The following MYOM2 variants were observed in gnomAD, a reference collection of about 807,000 sequenced individuals.
The protein encoded by MYOM2 is myomesin 2.
Under a neutral mutation model 187.6 loss-of-function variants are expected in MYOM2, and 254 were observed. The ratio of observed to expected loss-of-function variants is 1.35; its 90% CI spans 1.22 to 1.50. The LOEUF (loss-of-function observed/expected upper bound fraction) is 1.50, where lower values mean the gene tolerates loss of function less well. MYOM2 is among the 40% of genes most tolerant of loss of function. The pLI, the probability that MYOM2 is intolerant of heterozygous loss-of-function variation, is 0.00. For missense variants in MYOM2, 2,796 were observed against 1,924.0 expected, an observed-to-expected ratio of 1.45 and a Z score of -8.48; for synonymous variants, 981 against 753.8, an observed-to-expected ratio of 1.30 and a Z score of -4.94.
At chr8:2,102,917 G>C in intron 21 of MYOM2, 136 bp downstream of exon 21, 1 of 663,886 alleles carries the variant, frequency 1.5e-6, no homozygotes. Context: ...TGTGTGGATG[G>C]GTCTGTAGAT....
Position 2,124,038 on chromosome 8 carries a change from T to C in MYOM2, c.3656-141T>C, listed in dbSNP as rs145659892. ...GGATTTATCGCACACATAAGTCTTTTATGGATAAATATTGCCATTTTAATG... is the reference window on the plus strand; with the variant it reads ...GGATTTATCGCACACATAAGTCTTTCATGGATAAATATTGCCATTTTAATG... On this transcript the variant is annotated intron_variant, in intron 30 of 36. Coordinates refer to ENST00000262113, the MANE Select transcript of MYOM2 (RefSeq NM_003970.4). 64 of 832,784 alleles carry C rather than the reference T, an allele frequency of 7.7e-5. No individual in the cohort carries two copies. In the African/African-American group the frequency reaches 8.6e-4, roughly 11 times the overall value. 51.6% of individuals were successfully genotyped at this position (832,784 alleles called of 1,614,324 possible).
chr8:2,142,259 G>A (rs921286861), intron 34 of MYOM2, 116 bp from the exon 35 acceptor site: 7 of 1,025,858 alleles, frequency 6.8e-6, no homozygotes, highest in Admixed American at 1.7e-5. Flanking sequence ...GAATGCAAAC[G>A]TATCTCCTTC....
intron 34 of MYOM2, among the ~76,000 whole-genome samples, chr8:2,141,401 A>T (rs1798269410): frequency 1.3e-5 from 2 of 152,230 alleles, no homozygotes; most frequent in Admixed American, 6.5e-5. Context: ...GGAACCCCGG[A>T]TGAATTTCGG....
chr8:2,118,173 A>G (rs2294073), intron 28 of MYOM2, among the ~76,000 whole-genome samples: 4 of 152,066 alleles, frequency 2.6e-5, no homozygotes, highest in Non-Finnish European at 1.5e-5. Context: ...ATTACAGTGT[A>G]GTGGGATGCA....
intron 31 of MYOM2, among the ~76,000 whole-genome samples, chr8:2,126,955 A>G (rs1347857010): frequency 4.4e-5 from 4 of 90,794 alleles, no homozygotes; most frequent in African/African-American, 8.9e-5. Flanking sequence ...CTGGGGGAGG[A>G]TGGGGAAGCA....
At chr8:2,078,011 A>G (rs1211151128) in intron 11 of MYOM2, among the ~76,000 whole-genome samples, 2 of 151,946 alleles carry the variant, frequency 1.3e-5, no homozygotes, top group African/African-American at 2.4e-5. Flanking sequence ...TGAAGGCACC[A>G]CTCTGGGGTT....
In MYOM2 at chr8:2,073,453, TGTCTCGGGGCGGC is replaced by T. The variant is rs1563431966; in HGVS notation, c.1077_1089del (p.Arg360AlafsTer38). The T allele has an allele frequency of 6.2e-7, 1 of 1,611,294 alleles. No homozygotes were observed. Among genetic ancestry groups the T allele is most frequent in the East Asian group, 2.2e-5 (1 of 44,848 alleles). The stretch of plus-strand genomic sequence containing the variant: ...GAGGGCCTGTACACCCTGCGCATCG[TGTCTCGGGGCGGC>T]GTCAGCGACCACAGCGCCTTCCTGT... On this transcript the variant is annotated frameshift_variant, in exon 10 of 37. Coordinates refer to ENST00000262113, the MANE Select transcript of MYOM2 (RefSeq NM_003970.4). LOFTEE classifies it high-confidence loss of function.
At chr8:2,067,926 G>C (rs1819071048) in intron 6 of MYOM2, among the ~76,000 whole-genome samples, 1 of 152,088 alleles carries the variant, frequency 6.6e-6, no homozygotes, top group Non-Finnish European at 1.5e-5. Flanking sequence ...GAGCTGGGTA[G>C]GGTTGTAGAA....
chr8:2,061,703 A>G (rs1483534506), intron 6 of MYOM2, among the ~76,000 whole-genome samples: 3 of 152,138 alleles, frequency 2.0e-5, no homozygotes, highest in Non-Finnish European at 1.5e-5. Flanking sequence ...CAGATTCACT[A>G]GAGTTGGGTG....
chr8:2,062,917 T>C (rs528894902), intron 6 of MYOM2, among the ~76,000 whole-genome samples: 3 of 152,208 alleles, frequency 2.0e-5, no homozygotes, highest in Non-Finnish European at 2.9e-5. Flanking sequence ...AAACTTTACA[T>C]TGGGCACCAC....
At position 2,106,086 on chromosome 8, in the gene MYOM2, G is replaced by A. The variant is rs377196709; in HGVS notation, c.2735-156G>A. ...GGACAGCATGGGGGAAACCACCCCC[G>A]TGATCCAATCACCTCACTCCCTCTA... On this transcript the variant is annotated intron_variant, in intron 21 of 36. Coordinates refer to ENST00000262113, the MANE Select transcript of MYOM2 (RefSeq NM_003970.4). Among the ~76,000 whole-genome samples the A allele has an allele frequency of 5.3e-5, 8 of 152,140 alleles. No homozygotes were observed. In the South Asian group the frequency reaches 8.3e-4, roughly 16 times the overall value.
At position 2,145,106 on chromosome 8, in the gene MYOM2, T is replaced by C. The variant is rs1798417154; in HGVS notation, c.*125T>C. ...GTGTGGGCTGATAGTTGATCACACATTGTGCTTTTGATTTTTGCATTTGGT... is the reference window on the plus strand; with the variant it reads ...GTGTGGGCTGATAGTTGATCACACACTGTGCTTTTGATTTTTGCATTTGGT... On this transcript the variant is annotated 3_prime_UTR_variant, in exon 37 of 37. Coordinates refer to ENST00000262113, the MANE Select transcript of MYOM2 (RefSeq NM_003970.4). 1 of 1,039,046 alleles carries C rather than the reference T, an allele frequency of 9.6e-7. No individual in the cohort carries two copies. The highest frequency in any genetic ancestry group is 2.8e-5 in the Admixed American group (1 of 35,596). 64.4% of individuals were successfully genotyped at this position (1,039,046 alleles called of 1,614,324 possible). A position where few individuals can be genotyped will look rare whatever the true frequency, so the allele number is the denominator to read the frequency against.
chr8:2,092,948 C>T (rs1367107973), intron 16 of MYOM2, among the ~76,000 whole-genome samples: 2 of 152,100 alleles, frequency 1.3e-5, no homozygotes, highest in South Asian at 2.1e-4. Context: ...CACCGGGCGC[C>T]GACTCTTCGC....
intron 14 of MYOM2, among the ~76,000 whole-genome samples, 163 bp downstream of exon 14, chr8:2,085,553 A>ATCTCCGCGTGGCCCCCCACTGTTG (rs1563444757): frequency 1.4e-4 from 1 of 7,210 alleles, no homozygotes; most frequent in Non-Finnish European, 2.1e-4. Flanking sequence ...CCCCACTGTC[A>ATCTCCGCGTGGCCCCCCACTGTTG]TGATCTCTGC....
intron 32 of MYOM2, among the ~76,000 whole-genome samples, chr8:2,139,398 C>A (rs1295169785): frequency 2.0e-5 from 3 of 152,174 alleles, no homozygotes; most frequent in Non-Finnish European, 4.4e-5. Flanking sequence ...GCCTTCGCTT[C>A]CCAAAGTGCT....
chr8:2,092,304 C>G (rs1317479482), intron 15 of MYOM2, 42 bp from the exon 16 acceptor site: 2 of 1,599,096 alleles, frequency 1.3e-6, no homozygotes, highest in South Asian at 1.1e-5. Context: ...GCTTCCAAAG[C>G]TCTGATGCCA....
intron 6 of MYOM2, among the ~76,000 whole-genome samples, chr8:2,064,737 G>A (rs1252876542): frequency 6.6e-6 from 1 of 152,188 alleles, no homozygotes; most frequent in African/African-American, 2.4e-5. Context: ...TGGCGAGGGG[G>A]GCCGTGGCCT....
In MYOM2 at chr8:2,069,269, C is replaced by G. The variant is rs201919679; in HGVS notation, c.654-9C>G. The G allele has an allele frequency of 3.3e-4, 535 of 1,601,762 alleles. No homozygotes were observed. Among genetic ancestry groups the G allele is most frequent in the Non-Finnish European group, 4.3e-4 (503 of 1,173,378 alleles). On this transcript the variant is annotated splice_polypyrimidine_tract_variant and intron_variant, in intron 6 of 36. Transcript: ENST00000262113. ...CCCGCAGACTTTCTCTTGTTTTTTT[C>G]TCTCCAAGGGCAGACTTTGACGACA...
Position 2,114,061 on chromosome 8 carries a change from A to G in MYOM2, c.3181-1899A>G, listed in dbSNP as rs577351298. 2.2e-3 allele frequency among the ~76,000 whole-genome samples: 340 copies of G among 152,244 alleles called. 2 individuals carry two copies. The highest frequency in any genetic ancestry group is 7.9e-3 in the African/African-American group (327 of 41,556). ...AGCTGTGGAAACCCCATAAAACACCAAGCCTCACCCGGGGGCATCAGGGAA... is the reference window on the plus strand; with the variant it reads ...AGCTGTGGAAACCCCATAAAACACCGAGCCTCACCCGGGGGCATCAGGGAA... On this transcript the variant is annotated intron_variant, in intron 25 of 36. Transcript: ENST00000262113.
Sources: allele counts gnomAD v4.1 joint callset (sites outside exome capture counted in the v4.1 genomes callset), GRCh38; gene constraint gnomAD v4.1.1; transcripts MANE v1.5; gene names NCBI Gene and HGNC (gene_info 2026-07-23, HGNC 2026-07-21).